BLTP1: variants seen among roughly 807,000 people sequenced by gnomAD.
BLTP1 encodes the protein fragile site-associated protein.
chr4:122,207,320 A>G, the BLTP1 span: 5 of 1,480,422 alleles, frequency 3.4e-6, no homozygotes, highest in South Asian at 1.2e-5. Flanking sequence ...GCAAATACCA[A>G]CTAAGAAAAT....
At chr4:122,296,843 G>C in the BLTP1 span, among the ~76,000 whole-genome samples, 2 of 152,136 alleles carry the variant, frequency 1.3e-5, no homozygotes, top group South Asian at 2.1e-4. Context: ...TTAATAAATG[G>C]TGCTGAGAAA....
At chr4:122,203,527 C>A in the BLTP1 span, among the ~76,000 whole-genome samples, 1 of 151,754 alleles carries the variant, frequency 6.6e-6, no homozygotes, top group Non-Finnish European at 1.5e-5. Flanking sequence ...CTTGCCATAA[C>A]TTTTTAATTC....
the BLTP1 span, chr4:122,234,981 G>A: frequency 6.8e-6 from 11 of 1,608,810 alleles, no homozygotes; most frequent in East Asian, 2.2e-5. Context: ...GCTACAGCCT[G>A]GAGAATGGAT....
the BLTP1 span, chr4:122,214,542 G>A: frequency 1.0e-6 from 1 of 955,678 alleles, no homozygotes; most frequent in African/African-American, 1.8e-5. Context: ...ATAAAAGTTT[G>A]CCGTAATGTA....
the BLTP1 span, chr4:122,152,498 C>A: frequency 4.1e-6 from 4 of 985,794 alleles, no homozygotes; most frequent in Non-Finnish European, 4.8e-6. Flanking sequence ...GTGCTGCTGC[C>A]GTCGCCGCCC....
At chr4:122,219,219 A>G in the BLTP1 span, 1 of 1,453,028 alleles carries the variant, frequency 6.9e-7, no homozygotes, top group Non-Finnish European at 9.1e-7. Context: ...AATAGGCCTG[A>G]TGCCTTTTTA....
the BLTP1 span, chr4:122,209,010 ATAAT>A: frequency 6.2e-6 from 5 of 809,762 alleles, no homozygotes; most frequent in Non-Finnish European, 7.9e-6. Flanking sequence ...AAAAAGATAA[ATAAT>A]ACAATAAAAT....
At chr4:122,159,481 T>C in the BLTP1 span, among the ~76,000 whole-genome samples, 2 of 137,554 alleles carry the variant, frequency 1.5e-5, no homozygotes, top group East Asian at 3.9e-4. Flanking sequence ...AAAAAGTTTT[T>C]ATTTTACTTA....
chr4:122,210,842 C>T, the BLTP1 span: 13 of 1,588,936 alleles, frequency 8.2e-6, no homozygotes, highest in Non-Finnish European at 1.0e-5. Flanking sequence ...GTCTTTTGTC[C>T]CCCACCCCTC....
At chr4:122,209,004 A>T in the BLTP1 span, 47 of 546,024 alleles carry the variant, frequency 8.6e-5, no homozygotes, top group Non-Finnish European at 1.1e-4. Context: ...AAAAAAAAAA[A>T]GATAAATAAT....
chr4:122,159,255 A>T, the BLTP1 span, among the ~76,000 whole-genome samples: 3 of 152,196 alleles, frequency 2.0e-5, no homozygotes, highest in African/African-American at 7.2e-5. Flanking sequence ...TGAGGTCAGG[A>T]GATCGAGACC....
the BLTP1 span, among the ~76,000 whole-genome samples, chr4:122,232,594 G>C: frequency 2.0e-5 from 3 of 151,950 alleles, no homozygotes; most frequent in Admixed American, 1.3e-4. Context: ...GCAACAGAGT[G>C]AGACTCTGTC....
chr4:122,346,178 A>C, the BLTP1 span, among the ~76,000 whole-genome samples: 1 of 152,184 alleles, frequency 6.6e-6, no homozygotes, highest in Non-Finnish European at 1.5e-5. Context: ...AGAACTCTGG[A>C]AGAAGGCCAT....
At chr4:122,262,148 TTGTGTG>T in the BLTP1 span, among the ~76,000 whole-genome samples, 176 of 133,514 alleles carry the variant, frequency 1.3e-3, no homozygotes, top group African/African-American at 3.7e-3. Context: ...TACAGATCCT[TTGTGTG>T]TGTGTGTGTG....
chr4:122,204,485 G>C, the BLTP1 span: 1 of 952,660 alleles, frequency 1.0e-6, no homozygotes. Context: ...TAGAAACATT[G>C]CATGACTTGG....
the BLTP1 span, chr4:122,336,746 G>A: frequency 7.8e-7 from 1 of 1,274,668 alleles, no homozygotes; most frequent in Non-Finnish European, 1.0e-6. Flanking sequence ...AAAACGTATA[G>A]AATGAAGGGC....
the BLTP1 span, chr4:122,336,193 C>A: frequency 6.3e-7 from 1 of 1,580,518 alleles, no homozygotes; most frequent in Non-Finnish European, 8.6e-7. Context: ...ATGTTCTAGC[C>A]AAAGGAAAAG....
the BLTP1 span, among the ~76,000 whole-genome samples, chr4:122,159,065 C>G: frequency 6.6e-6 from 1 of 152,214 alleles, no homozygotes; most frequent in African/African-American, 2.4e-5. Context: ...AAGAATCATG[C>G]TCACTAGTAC....
the BLTP1 span, chr4:122,246,804 T>C: frequency 2.5e-6 from 4 of 1,612,630 alleles, no homozygotes; most frequent in Non-Finnish European, 3.4e-6. Flanking sequence ...CAGGTTCGCA[T>C]GAACAGGTAA....
Sources: allele counts gnomAD v4.1 joint callset (sites outside exome capture counted in the v4.1 genomes callset), GRCh38; gene constraint gnomAD v4.1.1; transcripts MANE v1.5; gene names NCBI Gene and HGNC (gene_info 2026-07-23, HGNC 2026-07-21).